Variants in PLEC observed in about 807,000 individuals in gnomAD.
PLEC encodes the protein hemidesmosomal protein 1.
Under a neutral mutation model 392.8 loss-of-function variants are expected in PLEC, and 216 were observed. That is an observed-to-expected ratio of 0.55 (90% confidence interval 0.49 to 0.62). PLEC has a LOEUF of 0.62. PLEC is among the 20% of genes least tolerant of loss of function. The pLI is 0.00. For missense variants in PLEC, 6,863 were observed against 6,563.4 expected, an observed-to-expected ratio of 1.05 and a Z score of -1.58; for synonymous variants, 3,621 against 2,980.6, an observed-to-expected ratio of 1.21 and a Z score of -7.00.
upstream of PLEC, among the ~76,000 whole-genome samples, chr8:143,955,243 G>A (rs113821492): frequency 2.0e-3 from 311 of 152,296 alleles, 3 homozygotes; most frequent in African/African-American, 7.0e-3. Context: ...TTGGGAGGCC[G>A]AGGCAGGTGG....
At chr8:143,953,981 A>G, upstream of PLEC, 2 of 1,264,764 alleles carry the variant, frequency 1.6e-6, no homozygotes, top group Non-Finnish European at 2.1e-6. Context: ...CCTCCCCCCC[A>G]GCCTGTGGTT....
At chr8:143,929,350 G>A (rs1428923397) in intron 24 of PLEC, 64 bp downstream of exon 24, 7 of 1,580,086 alleles carry the variant, frequency 4.4e-6, no homozygotes, top group Admixed American at 1.8e-5. Context: ...GAAGGCCAAA[G>A]GAGGGAGGGT....
Position 143,919,225 on chromosome 8 carries a change from C to T in PLEC, c.10596G>A (p.Glu3532=), listed in dbSNP as rs1554677553. 6.2e-7 allele frequency: 1 copy of T among 1,613,902 alleles called. No individual in the cohort carries two copies. The highest frequency in any genetic ancestry group is 1.3e-5 in the African/African-American group (1 of 75,078). Residue 3532 remains glutamate (E), a synonymous_variant, in exon 32 of 32, where the codon GAG becomes GAA. Transcript: ENST00000345136. ...GAAGGCGCAAGCCCGTCTCGGGGTCCTCCACGCACCGCTCCAGCAGCTGCC... is the reference window on the plus strand; with the variant it reads ...GAAGGCGCAAGCCCGTCTCGGGGTCTTCCACGCACCGCTCCAGCAGCTGCC... ...TYRQLLERCV[E]DPETGLRLLP...
chr8:143,934,233 G>T, intron 11 of PLEC, 85 bp downstream of exon 11: 1 of 1,594,392 alleles, frequency 6.3e-7, no homozygotes. Context: ...TTCCCCCGCC[G>T]GGGGCGGGGC....
chr8:143,936,889 C>A, intron 5 of PLEC, 90 bp downstream of exon 5: 1 of 1,042,758 alleles, frequency 9.6e-7, no homozygotes, highest in South Asian at 1.4e-5. Context: ...CACGCCCTAG[C>A]CAGAAAGCGG....
At position 143,921,201 on chromosome 8, in the gene PLEC, C is replaced by A. The variant is rs369356119; in HGVS notation, c.8620G>T (p.Asp2874Tyr). Reference sequence around the variant, plus strand: ...AGAAGGCACAGGCCCGTCTCGGGGTCCTCCACGCAGCGCTCCAGTAGCTGC... The same window carrying A: ...AGAAGGCACAGGCCCGTCTCGGGGTACTCCACGCAGCGCTCCAGTAGCTGC... The part of the protein sequence containing the change: ...YLQLLERCVE[D>Y]PETGLCLLPL... The change falls in exon 32 of 32, where the codon GAC (aspartate) becomes TAC (tyrosine). Residue 2874 changes from aspartate (D) to tyrosine (Y), a missense_variant. Transcript: ENST00000345136. 25 of 1,613,900 alleles carry A rather than the reference C, an allele frequency of 1.5e-5. No homozygotes were observed. The highest frequency in any genetic ancestry group is 4.0e-5 in the African/African-American group (3 of 74,952).
rs782670526 is a variant in PLEC at position 143,929,062 on chromosome 8, C to A, written c.3260+41G>T. The A allele has an allele frequency of 5.9e-6, 9 of 1,537,862 alleles. 1 individual carries two copies. Among genetic ancestry groups the A allele is most frequent in the South Asian group, 3.6e-5 (3 of 83,874 alleles). On this transcript the variant is annotated intron_variant, in intron 25 of 31. Transcript: ENST00000345136. ...TCACAGCCCTCACCCCAGCACCCCC[C>A]AGCCGACCCCAGCCCCTCGCCTGTG...
upstream of PLEC, among the ~76,000 whole-genome samples, chr8:143,974,675 T>C (rs1833595351): frequency 6.6e-6 from 1 of 152,132 alleles, no homozygotes. The surrounding 1 kb of genome is among the most constrained non-coding windows in gnomAD (Gnocchi z 5.9). Flanking sequence ...CAGCTCTAGG[T>C]CACCCACTTC....
In PLEC at chr8:143,917,859, C is replaced by T. The variant is rs781911877; in HGVS notation, c.11962G>A (p.Glu3988Lys). 1.9e-6 allele frequency: 3 copies of T among 1,613,272 alleles called. No individual in the cohort carries two copies. In the South Asian group the frequency reaches 3.3e-5, roughly 18 times the overall value. ...ACAATGCCCATACGCACAGCCTCCTCCACCGTCAGCTTCAGTCCCTTGATG... is the reference window on the plus strand; with the variant it reads ...ACAATGCCCATACGCACAGCCTCCTTCACCGTCAGCTTCAGTCCCTTGATG... ...DPIKGLKLTV[E>K]EAVRMGIVGP... The change falls in exon 32 of 32, where the codon GAG becomes AAG. Residue 3988 changes from glutamate (E) to lysine (K), a missense_variant. Glu to Lys is a moderately conservative substitution (Grantham distance 56). Coordinates refer to ENST00000345136, the MANE Select transcript of PLEC (RefSeq NM_201384.3).
chr8:143,970,618 T>C (rs1035966210), intron 1 of PLEC, among the ~76,000 whole-genome samples: 1 of 152,204 alleles, frequency 6.6e-6, no homozygotes, highest in Admixed American at 6.5e-5. Flanking sequence ...GATTCGGAGT[T>C]GTGTAGCTGT....
rs200647397 is a variant in PLEC, at chr8:143,930,205, C to A, written c.2551G>T (p.Val851Leu). 6.3e-7 allele frequency: 1 copy of A among 1,579,250 alleles called. No individual in the cohort carries two copies. Among genetic ancestry groups the A allele is most frequent in the Non-Finnish European group, 8.6e-7 (1 of 1,168,840 alleles). Residue 851 changes from valine (V) to leucine (L), a missense_variant, in exon 21 of 32, where the codon GTG (valine) becomes TTG (leucine). Coordinates refer to ENST00000345136, the MANE Select transcript of PLEC (RefSeq NM_201384.3). ...VLSSSGSEAA[V>L]PSVCFLVPPP... ...GGCACCAGGAAGCACACGGAGGGCA[C>A]GGCGGCCTCGCTGCCGGAGCTGCTG...
chr8:143,917,803 C>G lies in PLEC; in HGVS notation c.12018G>C (p.Ser4006=). The change falls in exon 32 of 32, where the codon TCG becomes TCC. Residue 4006 remains serine, a synonymous_variant. Coordinates refer to ENST00000345136, the MANE Select transcript of PLEC (RefSeq NM_201384.3). ...VGPEFKDKLL[S]AERAVTGYKD... is the part of the protein sequence containing the mutation. The stretch of plus-strand genomic sequence containing the variant: ...TGTACCCAGTGACGGCGCGCTCGGC[C>G]GACAGCAGCTTGTCCTTGAACTCGG... 6.2e-7 allele frequency: 1 copy of G among 1,613,524 alleles called. No homozygotes were observed. Among genetic ancestry groups the G allele is most frequent in the Non-Finnish European group, 8.5e-7 (1 of 1,180,006 alleles).
At position 143,929,936 on chromosome 8, in the gene PLEC, C is replaced by A; in HGVS notation, c.2739G>T (p.Thr913=). The change falls in exon 22 of 32, where the codon ACG becomes ACT. Residue 913 remains threonine (T), a splice_region_variant and synonymous_variant. Coordinates refer to ENST00000345136, the MANE Select transcript of PLEC (RefSeq NM_201384.3). ...VQLIRSWSLA[T]FRTLKPEEQR... ...GCCCCCGGCTCGGGGGCAGGCGTAC[C>A]GTGGCCAGGGACCAGGAGCGGATGA... 6.2e-7 allele frequency: 1 copy of A among 1,609,776 alleles called. No individual in the cohort carries two copies.
Position 143,922,078 on chromosome 8 carries a change from C to T in PLEC, c.7743G>A (p.Arg2581=), listed in dbSNP as rs1554688201. 3 of 1,577,650 alleles carry T rather than the reference C, an allele frequency of 1.9e-6. No homozygotes were observed. In the South Asian group the frequency reaches 3.4e-5, roughly 18 times the overall value. Residue 2581 remains arginine, a synonymous_variant, in exon 32 of 32, where the codon CGG becomes CGA. Transcript: ENST00000345136. ...EELQQLEQQR[R]QQEELLAEEN... Reference sequence around the variant, plus strand: ...CCTCAGCCAGCAGCTCCTCCTGCTGCCGCCGCTGCTGCTCCAGCTGCTGCA... The same window carrying T: ...CCTCAGCCAGCAGCTCCTCCTGCTGTCGCCGCTGCTGCTCCAGCTGCTGCA...
intron 16 of PLEC, 48 bp downstream of exon 16, chr8:143,932,352 A>G (rs1554716744): frequency 6.2e-7 from 1 of 1,611,146 alleles, no homozygotes; most frequent in Admixed American, 1.7e-5. Context: ...GCCAGGGCAC[A>G]GCTGGGGAGG....
intron 20 of PLEC, 29 bp downstream of exon 20, chr8:143,930,355 C>T (rs1554713619): frequency 6.3e-7 from 1 of 1,580,172 alleles, no homozygotes; most frequent in Non-Finnish European, 8.6e-7. Context: ...CTGGCCACGC[C>T]CCCCAGTGGA....
chr8:143,929,444 C>T lies in PLEC; in HGVS notation c.3051G>A (p.Arg1017=), dbSNP rs782288382. The T allele has an allele frequency of 6.3e-7, 1 of 1,583,290 alleles. No individual in the cohort carries two copies. Among genetic ancestry groups the T allele is most frequent in the South Asian group, 1.1e-5 (1 of 87,896 alleles). ...LRLPLDKEPA[R]ECAQRIAEQQ... ...GCTCGGCGATGCGCTGGGCACACTC[C>T]CGTGCCGGCTCTTTGTCCAGCGGCA... The change falls in exon 24 of 32, where the codon CGG becomes CGA. Residue 1017 remains arginine (R), a synonymous_variant. Coordinates refer to ENST00000345136, the MANE Select transcript of PLEC (RefSeq NM_201384.3).
rs527326290 is a variant in PLEC at position 143,950,352 on chromosome 8, C to G, written c.355G>C (p.Val119Leu). The change falls in exon 1 of 32, where the codon GTG becomes CTG. Residue 119 changes from valine (V) to leucine (L), a missense_variant. By Grantham distance (32) the Val-to-Leu change is conservative (BLOSUM62 1). Coordinates refer to the PLEC transcript ENST00000322810. ...GGTGGGGAGCCCAGGGGACCCTGCA[C>G]AGCCTGCACGTGGGGGGTGCGGCGT... is the stretch of plus-strand genomic sequence containing the variant. 212 of 1,585,054 alleles carry G rather than the reference C, an allele frequency of 1.3e-4. 1 individual carries two copies. In the South Asian group the frequency reaches 2.3e-3, roughly 17 times the overall value.
At position 143,916,157 on chromosome 8, in the gene PLEC, C is replaced by T. The variant is rs998642427; in HGVS notation, c.*20G>A. ...GAGCCGGGCTGGGCCGCATGCAGAG[C>T]GGGGTGGGCGCAGGCAGCCTCAGGC... On this transcript the variant is annotated 3_prime_UTR_variant, in exon 32 of 32. Coordinates refer to ENST00000345136, the MANE Select transcript of PLEC (RefSeq NM_201384.3). 28 of 1,518,916 alleles carry T rather than the reference C, an allele frequency of 1.8e-5. No individual in the cohort carries two copies. Among genetic ancestry groups the T allele is most frequent in the East Asian group, 7.4e-5 (3 of 40,406 alleles). 94.1% of individuals were successfully genotyped at this position (1,518,916 alleles called of 1,614,324 possible).
Sources: allele counts gnomAD v4.1 joint callset (sites outside exome capture counted in the v4.1 genomes callset), GRCh38; gene constraint gnomAD v4.1.1; non-coding constraint Gnocchi (gnomAD v3.1); transcripts MANE v1.5; gene names NCBI Gene and HGNC (gene_info 2026-07-23, HGNC 2026-07-21).